The following KNDC1 variants were observed in gnomAD, a reference collection of about 807,000 sequenced individuals.
KNDC1 encodes kinase non-catalytic C-lobe domain containing 1, also known as kinase non-catalytic C-lobe domain-containing protein 1.
In KNDC1, 106 loss-of-function variants were observed where a neutral mutation model predicts 172.8. The ratio of observed to expected loss-of-function variants is 0.61; its 90% CI spans 0.52 to 0.72. The LOEUF is 0.72. KNDC1 is among the 30% of genes least tolerant of loss of function. The probability of loss-of-function intolerance (pLI) is 0.00; values close to 1 mark genes in which losing one functional copy is unlikely to be tolerated. For synonymous variants in KNDC1, 1,083 were observed against 1,062.2 expected, an observed-to-expected ratio of 1.02 and a Z score of -0.38; for missense variants, 2,325 against 2,394.5, an observed-to-expected ratio of 0.97 and a Z score of 0.61.
At chr10:133,174,053 A>G (rs1853454307) in intron 3 of KNDC1, 1 of 152,264 alleles carries the variant, frequency 6.6e-6, no homozygotes, top group Non-Finnish European at 1.5e-5. Flanking sequence ...GCATTCATCC[A>G]CGACATGCAG....
chr10:133,184,265 A>G (rs1231074013), intron 5 of KNDC1, among the ~76,000 whole-genome samples: 1 of 145,842 alleles, frequency 6.9e-6, no homozygotes, highest in Non-Finnish European at 1.5e-5. Context: ...CACGTTACAC[A>G]CACCCATGCA....
At chr10:133,202,698 C>G (rs2136004598) in intron 17 of KNDC1, 1 of 456,552 alleles carries the variant, frequency 2.2e-6, no homozygotes, top group Non-Finnish European at 4.4e-6. Context: ...CTGGCCTGCA[C>G]TTTATGACTC....
At chr10:133,200,176 C>T (rs1018391257) in intron 15 of KNDC1, among the ~76,000 whole-genome samples, 199 bp from the exon 16 acceptor site, 6 of 152,182 alleles carry the variant, frequency 3.9e-5, no homozygotes, top group South Asian at 2.1e-4. Context: ...GCTCCCGAGT[C>T]CCCCCAGGGA....
rs908686334 is a variant in KNDC1 at position 133,226,053 on chromosome 10, G to A, written c.*1163G>A. ...CATTCTTTAGAGCAGCCAGCTAGTG[G>A]CATTTCTAGGAAAACTGTGACCTGT... On this transcript the variant is annotated 3_prime_UTR_variant, in exon 30 of 30. Transcript: ENST00000304613. 1 of 152,258 alleles carries A rather than the reference G, an allele frequency of 6.6e-6. No individual in the cohort carries two copies. The highest frequency in any genetic ancestry group is 2.4e-5 in the African/African-American group (1 of 41,456). The allele number at this position is 152,258 out of a possible 1,614,324, so 9.4% of individuals were successfully genotyped here. A position where few individuals can be genotyped will look rare whatever the true frequency, so the allele number is the denominator to read the frequency against.
intron 3 of KNDC1, among the ~76,000 whole-genome samples, chr10:133,181,847 C>CACACACACACAG (rs1554913119): frequency 7.0e-6 from 1 of 142,506 alleles, no homozygotes; most frequent in African/African-American, 2.5e-5. Flanking sequence ...CACACACACA[C>CACACACACACAG]ACACACACAC....
In KNDC1 at chr10:133,225,092, A is replaced by G; in HGVS notation, c.*202A>G. 1.7e-6 allele frequency: 1 copy of G among 589,644 alleles called. No homozygotes were observed. Among genetic ancestry groups the G allele is most frequent in the Non-Finnish European group, 3.1e-6 (1 of 327,278 alleles). 36.5% of individuals were successfully genotyped at this position (589,644 alleles called of 1,614,324 possible). On this transcript the variant is annotated 3_prime_UTR_variant, in exon 30 of 30. Transcript: ENST00000304613. Reference sequence around the variant, plus strand: ...TCTCCTCCCAGCAGACGGAGCCAGGACGGGCACAAGAGTCTTGGAGGTTTG... The same window carrying G: ...TCTCCTCCCAGCAGACGGAGCCAGGGCGGGCACAAGAGTCTTGGAGGTTTG...
Position 133,203,054 on chromosome 10 carries a change from T to C in KNDC1, c.3387+1156T>C, listed in dbSNP as rs551845972. Among the ~76,000 whole-genome samples, 253 of 147,860 alleles carry C rather than the reference T, an allele frequency of 1.7e-3. 1 individual carries two copies. The highest frequency in any genetic ancestry group is 6.2e-3 in the African/African-American group (242 of 39,242). On this transcript the variant is annotated intron_variant, in intron 17 of 29. Transcript: ENST00000304613. ...ACGCATGGCGTCCAGCGGGGAGCAC[T>C]CGGCCCCCAAACTGGCAGAGTCCAG...
chr10:133,169,940 C>T (rs940850695), intron 3 of KNDC1, among the ~76,000 whole-genome samples: 4 of 152,224 alleles, frequency 2.6e-5, no homozygotes, highest in South Asian at 2.1e-4. Context: ...ATTTTTATCC[C>T]GCGTTGCACG....
In KNDC1 at chr10:133,218,858, T is replaced by C; in HGVS notation, c.4705T>C (p.Leu1569=). 1.2e-6 allele frequency: 2 copies of C among 1,612,934 alleles called. No individual in the cohort carries two copies. Among genetic ancestry groups the C allele is most frequent in the Non-Finnish European group, 1.7e-6 (2 of 1,178,996 alleles). Residue 1569 remains leucine, a synonymous_variant, in exon 27 of 30, where the codon TTG becomes CTG. Transcript: ENST00000304613. ...GCAGGTGAACTTGCTGTCCAAATTT[T>C]TGCTGATTGCAAAATCTTGCTATGA... The part of the protein sequence containing the change: ...KLQVNLLSKF[L]LIAKSCYEQR...
In KNDC1 at chr10:133,201,501, G is replaced by A. The variant is rs571260168; in HGVS notation, c.2990G>A (p.Gly997Glu). Reference sequence around the variant, plus strand: ...GTAACCTGCGTCTCTTTCTTTCAAGGAAAAGAGAAGCCAGCCATGGCCAGG... The same window carrying A: ...GTAACCTGCGTCTCTTTCTTTCAAGAAAAAGAGAAGCCAGCCATGGCCAGG... Reference protein sequence around the residue: ...SSKRPSLHRLGKEKPAMARTS... With the variant: ...SSKRPSLHRLEKEKPAMARTS... The change falls in exon 17 of 30, where the codon GGA becomes GAA. Residue 997 changes from glycine to glutamate, a missense_variant and splice_region_variant. Gly to Glu is a moderately conservative substitution (Grantham distance 98). Transcript: ENST00000304613. The A allele has an allele frequency of 6.3e-7, 1 of 1,590,154 alleles. No individual in the cohort carries two copies. Among genetic ancestry groups the A allele is most frequent in the East Asian group, 2.2e-5 (1 of 44,638 alleles).
At chr10:133,208,275 G>A (rs1427237157) in intron 20 of KNDC1, among the ~76,000 whole-genome samples, 2 of 26,446 alleles carry the variant, frequency 7.6e-5, no homozygotes, top group Non-Finnish European at 1.5e-4. Flanking sequence ...CCCCAACCCC[G>A]TTACCCCAAG....
At chr10:133,182,372 G>A (rs188186623) in intron 3 of KNDC1, among the ~76,000 whole-genome samples, 57 of 136,934 alleles carry the variant, frequency 4.2e-4, no homozygotes, top group African/African-American at 1.7e-3. Context: ...ATGCAGGTGC[G>A]TGTCCACTCA....
chr10:133,198,825 G>T lies in KNDC1; in HGVS notation c.2317G>T (p.Ala773Ser), dbSNP rs755672384. Residue 773 changes from alanine to serine, a missense_variant, in exon 14 of 30, where the codon GCC becomes TCC. Ala to Ser is a moderately conservative substitution (Grantham distance 99). Coordinates refer to ENST00000304613, the MANE Select transcript of KNDC1 (RefSeq NM_152643.8). ...GGCCCCAGCAAACCAGCCAGAGGGG[G>T]CCTCATCGGCAGCTCCCGGCTCTCC... ...PQAPANQPEG[A>S]SSAAPGSPVP... 2 of 1,599,800 alleles carry T rather than the reference G, an allele frequency of 1.3e-6. No individual in the cohort carries two copies. The highest frequency in any genetic ancestry group is 1.7e-5 in the Admixed American group (1 of 59,146).
intron 11 of KNDC1, among the ~76,000 whole-genome samples, chr10:133,197,382 A>G (rs979575013): frequency 1.9e-4 from 28 of 150,864 alleles, no homozygotes; most frequent in Admixed American, 7.9e-4. Context: ...CCCAGCACCC[A>G]CCCCGGGCGC....
intron 9 of KNDC1, among the ~76,000 whole-genome samples, chr10:133,192,164 A>G (rs1854084122): frequency 6.6e-6 from 1 of 152,254 alleles, no homozygotes. Context: ...TCTAAAATTC[A>G]TATGGAACCA....
At chr10:133,179,809 G>A (rs1230620441) in intron 3 of KNDC1, among the ~76,000 whole-genome samples, 3 of 152,070 alleles carry the variant, frequency 2.0e-5, no homozygotes, top group African/African-American at 4.8e-5. Flanking sequence ...TCCTCGACCC[G>A]GCTCCCCGTC....
chr10:133,200,881 A>T (rs1854344901), intron 16 of KNDC1, among the ~76,000 whole-genome samples: 1 of 152,132 alleles, frequency 6.6e-6, no homozygotes, highest in Admixed American at 6.5e-5. Context: ...TAGCCCCAGG[A>T]TCCCAGGGCA....
At chr10:133,179,961 G>A (rs1250700065) in intron 3 of KNDC1, among the ~76,000 whole-genome samples, 3 of 152,234 alleles carry the variant, frequency 2.0e-5, no homozygotes, top group Admixed American at 2.0e-4. Flanking sequence ...CCACAGGCTT[G>A]GAGAGTGGGC....
chr10:133,166,985 T>G (rs1466754472), intron 1 of KNDC1, among the ~76,000 whole-genome samples: 1 of 152,090 alleles, frequency 6.6e-6, no homozygotes, highest in East Asian at 1.9e-4. Context: ...GAGTCCACAG[T>G]TGGGGATGTC....
Sources: gnomAD v4.1 joint callset for allele counts (sites outside exome capture counted in the v4.1 genomes callset) on GRCh38, gnomAD v4.1.1 for gene constraint, MANE v1.5 for transcripts, NCBI Gene and HGNC (gene_info 2026-07-23, HGNC 2026-07-21) for gene names.